TSHZ3: variants seen among roughly 807,000 people sequenced by gnomAD.
TSHZ3 encodes teashirt homolog 3.
A neutral mutation model predicts 64.5 loss-of-function variants in TSHZ3; 10 were observed. The observed-to-expected ratio is 0.16, with a 90% CI of 0.10 to 0.26. TSHZ3 has a LOEUF of 0.26. Among genes scored for constraint, TSHZ3 ranks in the 10% least tolerant of loss-of-function variants. The pLI, the probability that TSHZ3 is intolerant of heterozygous loss-of-function variation, is 1.00. For missense variants in TSHZ3, 1,242 were observed against 1,421.7 expected (o/e 0.87, Z 2.03); for synonymous variants, 608 against 593.1 (o/e 1.03, Z -0.36).
At chr19:31,165,083 C>T (rs1189544208) in intron 5 of TSHZ3, among the ~76,000 whole-genome samples, 1 of 152,212 alleles carries the variant, frequency 6.6e-6, no homozygotes, top group Non-Finnish European at 1.5e-5. Flanking sequence ...GTCACCTGGC[C>T]CCTGTCGTCC....
chr19:31,271,579 T>C (rs1976138991), downstream of TSHZ3, among the ~76,000 whole-genome samples: 1 of 152,188 alleles, frequency 6.6e-6, no homozygotes, highest in Admixed American at 6.5e-5. Context: ...GCCAGATTAT[T>C]TCCAGAGCTA....
intron 1 of TSHZ3, among the ~76,000 whole-genome samples, chr19:31,337,013 ATTTT>A (rs57786560): frequency 9.1e-5 from 12 of 131,440 alleles, no homozygotes; most frequent in African/African-American, 2.8e-4. Context: ...CTTTTTTTCT[ATTTT>A]TTTTTTTTTT....
intron 6 of TSHZ3, among the ~76,000 whole-genome samples, chr19:31,152,644 G>A (rs1028741043): frequency 6.6e-6 from 1 of 152,260 alleles, no homozygotes; most frequent in African/African-American, 2.4e-5. Context: ...GGGAGCTAGA[G>A]TTCCTGATTA....
rs1976306818 is a variant in TSHZ3, at chr19:31,278,935, G to C, written c.858C>G (p.Ser286=). 1 of 1,613,996 alleles carries C rather than the reference G, an allele frequency of 6.2e-7. No homozygotes were observed. The highest frequency in any genetic ancestry group is 1.3e-5 in the African/African-American group (1 of 74,870). The stretch of plus-strand genomic sequence containing the variant: ...TCATATGGACACTCAAATCCTGCAG[G>C]GACTCAAAGGAGTGGCCACAGTACA... ...KCMYCGHSFE[S]LQDLSVHMIK... The change falls in exon 2 of 2, where the codon TCC becomes TCG. Residue 286 remains serine (S), a synonymous_variant. Transcript: ENST00000240587. This position sits in a 1 kb window ranked among gnomAD's most constrained non-coding sequence, Gnocchi z 4.7.
Position 31,323,821 on chromosome 19 carries a change from T to A in TSHZ3, c.40+25359A>T, listed in dbSNP as rs143169714. On this transcript the variant is annotated intron_variant, in intron 1 of 1. Coordinates refer to ENST00000240587, the MANE Select transcript of TSHZ3 (RefSeq NM_020856.4). ...CAGAAAGATGTTTTCTCCCAGGTGG[T>A]AAAGACAGCAGCTGCTGCTCTTGTA... 2.5e-3 allele frequency among the ~76,000 whole-genome samples: 377 copies of A among 150,036 alleles called. 1 individual carries two copies. The highest frequency in any genetic ancestry group is 9.0e-3 in the African/African-American group (366 of 40,794).
chr19:31,300,443 T>C (rs1976734690), intron 1 of TSHZ3, among the ~76,000 whole-genome samples: 1 of 152,062 alleles, frequency 6.6e-6, no homozygotes, highest in African/African-American at 2.4e-5. Flanking sequence ...TGAACACAAA[T>C]TTTTTTTATA....
chr19:31,279,132 C>T lies in TSHZ3; in HGVS notation c.661G>A (p.Ala221Thr), dbSNP rs768951623. ...ASKFRCKDCS[A>T]AYDTLVELTV... ...AACTCCACCAGGGTGTCGTAGGCAGCGCTGCAGTCCTTACAGCGGAACTTG... is the reference window on the plus strand; with the variant it reads ...AACTCCACCAGGGTGTCGTAGGCAGTGCTGCAGTCCTTACAGCGGAACTTG... Residue 221 changes from alanine to threonine, a missense_variant, in exon 2 of 2, where the codon GCT (alanine) becomes ACT (threonine). This residue lies in a region of TSHZ3 where 555 missense variants were observed against 704.0 expected (regional missense o/e 0.79). Transcript: ENST00000240587. The surrounding 1 kb of genome is among the most constrained non-coding windows in gnomAD (Gnocchi z 6.4). 4.3e-6 allele frequency: 7 copies of T among 1,613,466 alleles called. No homozygotes were observed. Among genetic ancestry groups the T allele is most frequent in the Middle Eastern group, 1.6e-4 (1 of 6,062 alleles).
intron 5 of TSHZ3, among the ~76,000 whole-genome samples, chr19:31,157,656 T>C (rs1974322636): frequency 6.6e-6 from 1 of 152,248 alleles, no homozygotes; most frequent in South Asian, 2.1e-4. Flanking sequence ...TATATGGCTA[T>C]ATACCTAAGT....
intron 5 of TSHZ3, among the ~76,000 whole-genome samples, chr19:31,195,106 T>C (rs887991464): frequency 6.6e-6 from 1 of 151,786 alleles, no homozygotes; most frequent in Non-Finnish European, 1.5e-5. Context: ...AGGACAAATA[T>C]AAAAGGTATA....
chr19:31,161,828 C>A (rs1303980499), intron 5 of TSHZ3, among the ~76,000 whole-genome samples: 1 of 152,210 alleles, frequency 6.6e-6, no homozygotes, highest in Non-Finnish European at 1.5e-5. Context: ...TGTTACAACT[C>A]AACTCTGCCA....
At chr19:31,209,267 T>C (rs1016568688) in intron 4 of TSHZ3, among the ~76,000 whole-genome samples, 3 of 152,180 alleles carry the variant, frequency 2.0e-5, no homozygotes, top group African/African-American at 7.2e-5. Context: ...GAGACTCCAA[T>C]TGCAAAAGTA....
rs747007733 is a variant in TSHZ3 at position 31,278,908 on chromosome 19, G to T, written c.885C>A (p.Ile295=). The T allele has an allele frequency of 6.8e-6, 11 of 1,613,898 alleles. No individual in the cohort carries two copies. The highest frequency in any genetic ancestry group is 8.5e-6 in the Non-Finnish European group (10 of 1,180,030). ...ESLQDLSVHM[I]KTKHYQKVPL... is the part of the protein sequence containing the mutation. Reference sequence around the variant, plus strand: ...GCACTTTTTGGTAGTGTTTTGTTTTGATCATATGGACACTCAAATCCTGCA... The same window carrying T: ...GCACTTTTTGGTAGTGTTTTGTTTTTATCATATGGACACTCAAATCCTGCA... Residue 295 remains isoleucine, a synonymous_variant, in exon 2 of 2, where the codon ATC becomes ATA. Transcript: ENST00000240587. The surrounding 1 kb of genome is among the most constrained non-coding windows in gnomAD (Gnocchi z 4.7).
intron 6 of TSHZ3, among the ~76,000 whole-genome samples, chr19:31,151,844 A>C (rs1052465425): frequency 6.6e-6 from 1 of 152,196 alleles, no homozygotes; most frequent in Non-Finnish European, 1.5e-5. Flanking sequence ...ACTATTAATT[A>C]AGTGCATTTT....
chr19:31,285,045 G>T (rs1568369275), intron 1 of TSHZ3, among the ~76,000 whole-genome samples: 1 of 152,160 alleles, frequency 6.6e-6, no homozygotes, highest in African/African-American at 2.4e-5. Context: ...ATTCAGCAAT[G>T]CCACTTCGTG....
chr19:31,263,099 G>A (rs1362723874), intron 1 of TSHZ3, among the ~76,000 whole-genome samples: 2 of 152,190 alleles, frequency 1.3e-5, no homozygotes, highest in Non-Finnish European at 2.9e-5. Context: ...AGACAGCATC[G>A]TGAAGGGTGG....
intron 1 of TSHZ3, among the ~76,000 whole-genome samples, chr19:31,304,465 T>C (rs1976806310): frequency 6.6e-6 from 1 of 151,932 alleles, no homozygotes; most frequent in African/African-American, 2.4e-5. Flanking sequence ...AGAAAAAGAA[T>C]CTCCCTTCCC....
intron 5 of TSHZ3, among the ~76,000 whole-genome samples, chr19:31,185,696 A>G (rs1182163365): frequency 6.6e-6 from 1 of 152,210 alleles, no homozygotes; most frequent in Non-Finnish European, 1.5e-5. Context: ...TGCATATAGC[A>G]AAAGACACAT....
chr19:31,336,178 C>A (rs1238465247), intron 1 of TSHZ3, among the ~76,000 whole-genome samples: 1 of 152,182 alleles, frequency 6.6e-6, no homozygotes, highest in African/African-American at 2.4e-5. Context: ...CACTGAAAAG[C>A]AACTCCAGAT....
chr19:31,290,734 G>T (rs896165110), intron 1 of TSHZ3, among the ~76,000 whole-genome samples: 1 of 152,076 alleles, frequency 6.6e-6, no homozygotes, highest in Non-Finnish European at 1.5e-5. Context: ...GGGCTTTGGA[G>T]CTCCCCAGAA....
Sources: allele counts gnomAD v4.1 joint callset (sites outside exome capture counted in the v4.1 genomes callset), GRCh38; gene constraint gnomAD v4.1.1; regional missense constraint gnomAD v4.1.1; non-coding constraint Gnocchi (gnomAD v3.1); transcripts MANE v1.5; gene names NCBI Gene and HGNC (gene_info 2026-07-23, HGNC 2026-07-21).